SLC25A26: variants seen among roughly 807,000 people sequenced by gnomAD.
SLC25A26 encodes mitochondrial S-adenosylmethionine carrier protein.
SLC25A26 carries 36 observed loss-of-function variants against 37.8 expected under a neutral mutation model. The observed-to-expected ratio is 0.95, with a 90% CI of 0.73 to 1.26. SLC25A26 has a LOEUF of 1.26. Among genes scored for constraint, SLC25A26 ranks in the 50% most tolerant of loss-of-function variants. The pLI is 0.00. For missense variants in SLC25A26, 390 were observed against 331.1 expected (o/e 1.18, Z -1.38); for synonymous variants, 129 against 122.5 (o/e 1.05, Z -0.35).
chr3:66,336,312 A>AT (rs2076091879), intron 5 of SLC25A26, among the ~76,000 whole-genome samples: 1 of 152,030 alleles, frequency 6.6e-6, no homozygotes, highest in Admixed American at 6.6e-5. Flanking sequence ...TTGGTCATTC[A>AT]TTTTTCCTCT....
chr3:66,229,578 T>C (rs923022825), intron 1 of SLC25A26, among the ~76,000 whole-genome samples: 1 of 152,250 alleles, frequency 6.6e-6, no homozygotes, highest in African/African-American at 2.4e-5. Context: ...TGCTTCACCT[T>C]TGCCCTCTGG....
At chr3:66,275,527 A>C (rs1424470637) in intron 5 of SLC25A26, among the ~76,000 whole-genome samples, 1 of 152,042 alleles carries the variant, frequency 6.6e-6, no homozygotes, top group Admixed American at 6.6e-5. Context: ...GGCACATAGC[A>C]CACTCAGAAA....
chr3:66,176,305 A>C (rs2070586125), intron 1 of SLC25A26, among the ~76,000 whole-genome samples: 1 of 152,232 alleles, frequency 6.6e-6, no homozygotes, highest in Non-Finnish European at 1.5e-5. Flanking sequence ...ATCGAAACTA[A>C]GAAAGTGTTG....
chr3:66,318,331 C>A (rs1445597996), intron 5 of SLC25A26, among the ~76,000 whole-genome samples: 1 of 152,190 alleles, frequency 6.6e-6, no homozygotes, highest in African/African-American at 2.4e-5. Context: ...ACCTGCTGAT[C>A]TGTGGATTGC....
At chr3:66,292,802 TCTGAATTTC>T (rs2074760218) in intron 5 of SLC25A26, among the ~76,000 whole-genome samples, 1 of 152,168 alleles carries the variant, frequency 6.6e-6, no homozygotes, top group Non-Finnish European at 1.5e-5. Context: ...AGTGGTGTTC[TCTGAATTTC>T]CTGAATTTGA....
At chr3:66,347,475 C>T (rs1046644104) in intron 6 of SLC25A26, among the ~76,000 whole-genome samples, 2 of 152,182 alleles carry the variant, frequency 1.3e-5, no homozygotes, top group Non-Finnish European at 2.9e-5. Context: ...CAAGAAACAA[C>T]AGATGCTGGT....
Position 66,209,980 on chromosome 3 carries a change from A to C in SLC25A26, c.-353-10762A>C, listed in dbSNP as rs1185201258. 4.9e-5 allele frequency among the ~76,000 whole-genome samples: 6 copies of C among 122,594 alleles called. No individual in the cohort carries two copies. In the East Asian group the frequency reaches 9.7e-4, roughly 20 times the overall value. The allele number at this position is 122,594 out of a possible 152,430, so 80.4% of individuals were successfully genotyped here. A position where few individuals can be genotyped will look rare whatever the true frequency, so the allele number is the denominator to read the frequency against. On this transcript the variant is annotated intron_variant, in intron 1 of 10. Transcript: ENST00000676754. ...TTTCCTGGGGGAAAGAGTACCCTGA[A>C]GATGTCTATAGCAATACCAATCCCC...
chr3:66,342,274 G>A (rs964469465), intron 5 of SLC25A26, among the ~76,000 whole-genome samples: 19 of 152,246 alleles, frequency 1.2e-4, no homozygotes, highest in African/African-American at 4.6e-4. Flanking sequence ...TTGCTAGAGA[G>A]TTCTGGGTTA....
intron 1 of SLC25A26, among the ~76,000 whole-genome samples, chr3:66,174,768 A>C (rs1469300162): frequency 6.6e-6 from 1 of 151,776 alleles, no homozygotes; most frequent in African/African-American, 2.4e-5. Context: ...CCTGGGCTAC[A>C]AAGCAAGACT....
At chr3:66,215,375 A>G (rs2071345177) in intron 1 of SLC25A26, among the ~76,000 whole-genome samples, 1 of 151,918 alleles carries the variant, frequency 6.6e-6, no homozygotes, top group Non-Finnish European at 1.5e-5. Flanking sequence ...TAATTATTTT[A>G]TTTTTTGTAG....
intron 1 of SLC25A26, among the ~76,000 whole-genome samples, chr3:66,164,406 A>G (rs892462831): frequency 3.3e-5 from 5 of 152,104 alleles, no homozygotes; most frequent in Admixed American, 1.3e-4. Context: ...CCAAAGCAGG[A>G]TGGATGAAAG....
At chr3:66,310,432 G>C (rs1324514780) in intron 5 of SLC25A26, among the ~76,000 whole-genome samples, 1 of 152,160 alleles carries the variant, frequency 6.6e-6, no homozygotes, top group Non-Finnish European at 1.5e-5. Flanking sequence ...CAGCACGCCA[G>C]TGGGTCTTAA....
chr3:66,253,129 C>T (rs557821759), intron 3 of SLC25A26, among the ~76,000 whole-genome samples: 25 of 148,988 alleles, frequency 1.7e-4, no homozygotes, highest in East Asian at 1.6e-3. Flanking sequence ...AGATGGGGGC[C>T]GGGCGCAGTG....
chr3:66,338,725 A>G (rs534254141), intron 5 of SLC25A26, among the ~76,000 whole-genome samples: 4 of 152,088 alleles, frequency 2.6e-5, no homozygotes, highest in African/African-American at 7.2e-5. Flanking sequence ...TAGCCAAACT[A>G]CAGCTTCTAA....
chr3:66,204,778 A>T (rs2071156200), intron 1 of SLC25A26, among the ~76,000 whole-genome samples: 1 of 152,190 alleles, frequency 6.6e-6, no homozygotes, highest in Non-Finnish European at 1.5e-5. Context: ...TCAGTGATAG[A>T]TTATCAATGT....
chr3:66,352,935 T>G (rs777197949), intron 6 of SLC25A26, among the ~76,000 whole-genome samples: 3 of 152,246 alleles, frequency 2.0e-5, no homozygotes, highest in Non-Finnish European at 4.4e-5. Flanking sequence ...ATTTCCGTAC[T>G]GGTATTTTAA....
intron 1 of SLC25A26, among the ~76,000 whole-genome samples, chr3:66,212,236 T>G (rs2071293934): frequency 6.6e-6 from 1 of 151,982 alleles, no homozygotes; most frequent in South Asian, 2.1e-4. Flanking sequence ...CTCAGCCTCC[T>G]GAGGAGCTGG....
chr3:66,364,165 G>C (rs2076774875), intron 7 of SLC25A26, among the ~76,000 whole-genome samples: 1 of 151,896 alleles, frequency 6.6e-6, no homozygotes, highest in Admixed American at 6.5e-5. Context: ...ATATTCTCTG[G>C]TCCTATTCCT....
At chr3:66,140,832 A>G (rs1451452166) in intron 1 of SLC25A26, among the ~76,000 whole-genome samples, 2 of 152,138 alleles carry the variant, frequency 1.3e-5, no homozygotes, top group Non-Finnish European at 2.9e-5. Context: ...CTGCAGTACT[A>G]AAAGGGTCAA....
Sources: allele counts gnomAD v4.1 joint callset (sites outside exome capture counted in the v4.1 genomes callset), GRCh38; gene constraint gnomAD v4.1.1; transcripts MANE v1.5; gene names NCBI Gene and HGNC (gene_info 2026-07-23, HGNC 2026-07-21).